Variants in DIP2C observed in about 807,000 individuals in gnomAD.
DIP2C encodes DIP2 acetate--CoA ligase C (putative).
A neutral mutation model predicts 192.4 loss-of-function variants in DIP2C; 33 were observed. The ratio of observed to expected loss-of-function variants is 0.17; its 90% CI spans 0.13 to 0.23. The LOEUF (loss-of-function observed/expected upper bound fraction) is 0.23, where lower values mean the gene tolerates loss of function less well. Ranked by LOEUF, DIP2C falls within the 10% of genes least tolerant of loss-of-function variation. The pLI, the probability that DIP2C is intolerant of heterozygous loss-of-function variation, is 1.00. For missense variants in DIP2C, 1,537 were observed against 2,110.1 expected, an observed-to-expected ratio of 0.73 and a Z score of 5.32; for synonymous variants, 979 against 864.1, an observed-to-expected ratio of 1.13 and a Z score of -2.33.
intron 14 of DIP2C, 53 bp from the exon 15 acceptor site, chr10:384,692 G>A: frequency 1.3e-6 from 2 of 1,578,046 alleles, no homozygotes; most frequent in Middle Eastern, 1.7e-4. Context: ...ACGCAGAGGA[G>A]CAGCTCTCAC....
intron 1 of DIP2C, among the ~76,000 whole-genome samples, chr10:579,199 A>G (rs1455689436): frequency 2.6e-5 from 4 of 152,152 alleles, no homozygotes; most frequent in African/African-American, 9.7e-5. Context: ...ATGTACATGC[A>G]TAGAGCATAC....
chr10:585,646 C>T (rs1588526776), intron 1 of DIP2C, among the ~76,000 whole-genome samples: 1 of 152,112 alleles, frequency 6.6e-6, no homozygotes. Flanking sequence ...GGAACACCGG[C>T]GTCCTGCAGG....
intron 1 of DIP2C, among the ~76,000 whole-genome samples, chr10:540,994 CACCCG>C (rs1847951325): frequency 6.8e-6 from 1 of 147,800 alleles, no homozygotes; most frequent in Non-Finnish European, 1.5e-5. Context: ...GGAGCCACAA[CACCCG>C]ATGCTGGGGA....
intron 1 of DIP2C, among the ~76,000 whole-genome samples, chr10:615,513 C>T (rs1284414441): frequency 6.6e-6 from 1 of 152,130 alleles, no homozygotes; most frequent in East Asian, 1.9e-4. Context: ...CAAGACACTG[C>T]ACCAGACTTC....
intron 17 of DIP2C, among the ~76,000 whole-genome samples, chr10:376,565 T>TTC (rs1213665414): frequency 6.6e-6 from 1 of 150,976 alleles, no homozygotes; most frequent in African/African-American, 2.4e-5. Context: ...GTCTTTTTTT[T>TTC]TTTTTTTTTA....
At chr10:512,007 C>A (rs1331455436) in intron 1 of DIP2C, among the ~76,000 whole-genome samples, 2 of 152,176 alleles carry the variant, frequency 1.3e-5, no homozygotes, top group African/African-American at 4.8e-5. Context: ...GTGAGCACCA[C>A]AATCACCTCT....
chr10:559,774 CCGGAGCCCCATGGCCCCGGCCT>C (rs1192245083), intron 1 of DIP2C, among the ~76,000 whole-genome samples: 1 of 152,238 alleles, frequency 6.6e-6, no homozygotes, highest in Non-Finnish European at 1.5e-5. Flanking sequence ...AAGCCCAGCC[CCGGAGCCCCATGGCCCCGGCCT>C]GGCAGGAGGC....
intron 4 of DIP2C, among the ~76,000 whole-genome samples, chr10:438,293 G>A (rs971231580): frequency 1.3e-5 from 2 of 152,056 alleles, no homozygotes; most frequent in Non-Finnish European, 2.9e-5. Flanking sequence ...CAAACTCATC[G>A]TTTCTCTTAT....
At chr10:452,955 G>T (rs942579707) in intron 3 of DIP2C, among the ~76,000 whole-genome samples, 1 of 152,212 alleles carries the variant, frequency 6.6e-6, no homozygotes, top group Non-Finnish European at 1.5e-5. Flanking sequence ...GAGGAAGGGG[G>T]CAGTGTTGGA....
chr10:470,365 C>T (rs1970531391), intron 3 of DIP2C, among the ~76,000 whole-genome samples: 1 of 152,194 alleles, frequency 6.6e-6, no homozygotes, highest in Non-Finnish European at 1.5e-5. Flanking sequence ...AGCCTGCAGA[C>T]TCTGAGCTGA....
At chr10:364,890 T>C (rs934452414) in intron 19 of DIP2C, 4 of 584,082 alleles carry the variant, frequency 6.8e-6, no homozygotes, top group African/African-American at 3.7e-5. Flanking sequence ...CAGCAGTAAC[T>C]GATTACTTGG....
Position 559,920 on chromosome 10 carries a change from G to A in DIP2C, c.86-73390C>T, listed in dbSNP as rs573005266. Among the ~76,000 whole-genome samples the A allele has an allele frequency of 9.2e-5, 14 of 152,222 alleles. No individual in the cohort carries two copies. The South Asian group carries it at 2.3e-3, about 25-fold the overall frequency. On this transcript the variant is annotated intron_variant, in intron 1 of 36. Transcript: ENST00000280886. ...CCTAAAACAGACACAGGAATTCAGG[G>A]AGGTGTTCCTTCCCCTTGATGAACT...
At chr10:524,932 T>C (rs978258549) in intron 1 of DIP2C, among the ~76,000 whole-genome samples, 1 of 125,956 alleles carries the variant, frequency 7.9e-6, no homozygotes, top group African/African-American at 3.8e-5. Flanking sequence ...TCAGAGGAGA[T>C]GGTCTAGACA....
At chr10:281,173 G>A in intron 36 of DIP2C, 27 bp downstream of exon 36, 1 of 1,610,874 alleles carries the variant, frequency 6.2e-7, no homozygotes, top group Admixed American at 1.7e-5. Context: ...TCCTGATTTG[G>A]GTACAAGCTG....
At chr10:335,553 C>T (rs1025753623) in intron 29 of DIP2C, among the ~76,000 whole-genome samples, 13 of 152,250 alleles carry the variant, frequency 8.5e-5, no homozygotes, top group Non-Finnish European at 1.5e-4. Flanking sequence ...GTGACTCTCA[C>T]GACACCAGGC....
At chr10:597,529 C>A (rs778298452) in intron 1 of DIP2C, among the ~76,000 whole-genome samples, 13 of 152,226 alleles carry the variant, frequency 8.5e-5, no homozygotes, top group Non-Finnish European at 1.9e-4. Context: ...GCCGAGGACA[C>A]GCTGGGCAGC....
intron 4 of DIP2C, among the ~76,000 whole-genome samples, chr10:430,025 G>A (rs12258687): frequency 0.17 from 26,590 of 151,994 alleles, 5,923 homozygotes; most frequent in African/African-American, 0.52. Flanking sequence ...GAGAATTCCC[G>A]CAGCTCCACA....
chr10:390,181 T>C (rs940329612), intron 12 of DIP2C, 83 bp downstream of exon 12: 2 of 1,587,606 alleles, frequency 1.3e-6, no homozygotes, highest in East Asian at 2.2e-5. Flanking sequence ...TCCCTGAATT[T>C]TGGCACTCGT....
intron 1 of DIP2C, among the ~76,000 whole-genome samples, chr10:545,166 CTT>C (rs60185327): frequency 1.1e-3 from 94 of 86,334 alleles, no homozygotes; most frequent in Middle Eastern, 8.3e-3. Flanking sequence ...GGTGTTTTCC[CTT>C]TTTTTTTTTT....
Sources: allele counts gnomAD v4.1 joint callset (sites outside exome capture counted in the v4.1 genomes callset), GRCh38; gene constraint gnomAD v4.1.1; transcripts MANE v1.5; gene names NCBI Gene and HGNC (gene_info 2026-07-23, HGNC 2026-07-21).